The following ANGPT1 variants were observed in gnomAD, a reference collection of about 807,000 sequenced individuals.
ANGPT1 encodes the protein angiopoietin-1.
ANGPT1 carries 17 observed loss-of-function variants against 62.2 expected under a neutral mutation model. The observed-to-expected ratio is 0.27, with a 90% CI of 0.19 to 0.41. ANGPT1 has a LOEUF of 0.41. Ranked by LOEUF, ANGPT1 falls within the 10% of genes least tolerant of loss-of-function variation. The pLI, the probability that ANGPT1 is intolerant of heterozygous loss-of-function variation, is 1.00. For synonymous variants in ANGPT1, 199 were observed against 198.9 expected, an observed-to-expected ratio of 1.00 and a Z score of 0.00; for missense variants, 478 against 594.9, an observed-to-expected ratio of 0.80 and a Z score of 2.04.
intron 1 of ANGPT1, among the ~76,000 whole-genome samples, chr8:107,465,535 A>C (rs1256414359): frequency 1.3e-5 from 2 of 152,174 alleles, no homozygotes; most frequent in Non-Finnish European, 2.9e-5. Context: ...AAAATACTTC[A>C]ATGTTAAATA....
intron 1 of ANGPT1, among the ~76,000 whole-genome samples, chr8:107,375,142 G>A (rs558812121): frequency 6.8e-6 from 1 of 147,012 alleles, no homozygotes; most frequent in African/African-American, 2.5e-5. Flanking sequence ...CCTGGTGACA[G>A]AGTGAGACTC....
intron 1 of ANGPT1, among the ~76,000 whole-genome samples, chr8:107,418,028 G>A (rs28493350): frequency 0.17 from 25,994 of 152,082 alleles, 2,335 homozygotes; most frequent in African/African-American, 0.2. Context: ...TGTGACCTCA[G>A]ATCATGCACT....
Position 107,251,521 on chromosome 8 carries a change from C to T in ANGPT1, c.*334G>A. ...TTTTTCTGTTTTACATGAAATTAAC[C>T]ATATTTATCATCTGGCTACCATAGT... On this transcript the variant is annotated 3_prime_UTR_variant, in exon 9 of 9. Transcript: ENST00000517746. The T allele has an allele frequency of 4.9e-6, 1 of 203,658 alleles. No individual in the cohort carries two copies. Among genetic ancestry groups the T allele is most frequent in the Admixed American group, 5.4e-5 (1 of 18,652 alleles). 12.6% of individuals were successfully genotyped at this position (203,658 alleles called of 1,614,324 possible). A position where few individuals can be genotyped will look rare whatever the true frequency, so the allele number is the denominator to read the frequency against.
At chr8:107,466,033 T>C (rs1348298978) in intron 1 of ANGPT1, among the ~76,000 whole-genome samples, 2 of 152,228 alleles carry the variant, frequency 1.3e-5, no homozygotes, top group African/African-American at 2.4e-5. Flanking sequence ...CTGGCATTGA[T>C]GCATTTGAGC....
chr8:107,478,407 G>A (rs888235853), intron 1 of ANGPT1, among the ~76,000 whole-genome samples: 1 of 152,070 alleles, frequency 6.6e-6, no homozygotes, highest in East Asian at 1.9e-4. Flanking sequence ...AAGTAGCTGG[G>A]TGTGGTGGTG....
chr8:107,392,722 T>G (rs192130683), intron 1 of ANGPT1, among the ~76,000 whole-genome samples: 1 of 152,330 alleles, frequency 6.6e-6, no homozygotes, highest in Non-Finnish European at 1.5e-5. Context: ...TTTTAGAATA[T>G]TTTAATGGGA....
chr8:107,485,713 A>T (rs1347490268), intron 1 of ANGPT1, among the ~76,000 whole-genome samples: 1 of 152,234 alleles, frequency 6.6e-6, no homozygotes, highest in Non-Finnish European at 1.5e-5. Flanking sequence ...CACAAAAGGA[A>T]GTGCAGGCAA....
chr8:107,363,234 G>A (rs1213965520), intron 1 of ANGPT1, among the ~76,000 whole-genome samples: 1 of 152,064 alleles, frequency 6.6e-6, no homozygotes, highest in South Asian at 2.1e-4. Context: ...ATGATCAAAT[G>A]AAATAATACA....
At chr8:107,428,494 AAAT>A (rs1243524375) in intron 1 of ANGPT1, among the ~76,000 whole-genome samples, 1 of 152,210 alleles carries the variant, frequency 6.6e-6, no homozygotes, top group Non-Finnish European at 1.5e-5. Flanking sequence ...GTGTCTGAGA[AAAT>A]GTAGGTTTTC....
chr8:107,403,273 T>C (rs1006187790), intron 1 of ANGPT1, among the ~76,000 whole-genome samples: 23 of 152,294 alleles, frequency 1.5e-4, no homozygotes, highest in Middle Eastern at 6.8e-3. Context: ...TGTCTATTTT[T>C]CATCAAGGAG....
intron 1 of ANGPT1, among the ~76,000 whole-genome samples, chr8:107,362,673 A>C (rs1157963568): frequency 6.6e-6 from 1 of 152,202 alleles, no homozygotes; most frequent in Non-Finnish European, 1.5e-5. Context: ...TTCTCATGTC[A>C]CAGAGATGTG....
In ANGPT1 at chr8:107,416,282, T is replaced by A. The variant is rs558708493; in HGVS notation, c.298-69185A>T. On this transcript the variant is annotated intron_variant, in intron 1 of 8. Transcript: ENST00000517746. The stretch of plus-strand genomic sequence containing the variant: ...AAGTTGGAGTTCCCATGATTCCCTC[T>A]GTAGGTTCAATTAATTTGCTAGAGC... 2.0e-5 allele frequency among the ~76,000 whole-genome samples: 3 copies of A among 152,348 alleles called. No homozygotes were observed. In the South Asian group the frequency reaches 6.2e-4, roughly 32 times the overall value.
At chr8:107,370,745 A>C (rs374667576) in intron 1 of ANGPT1, among the ~76,000 whole-genome samples, 9 of 150,598 alleles carry the variant, frequency 6.0e-5, no homozygotes, top group African/African-American at 2.2e-4. Context: ...AGGAAGGAAG[A>C]AAAGAAGGAA....
intron 1 of ANGPT1, among the ~76,000 whole-genome samples, chr8:107,409,437 G>A (rs923476256): frequency 2.0e-5 from 3 of 152,186 alleles, no homozygotes; most frequent in Admixed American, 6.5e-5. Flanking sequence ...GGACAGCCTC[G>A]CTCCAGGTCC....
At chr8:107,424,366 G>C (rs1362030068) in intron 1 of ANGPT1, among the ~76,000 whole-genome samples, 1 of 152,100 alleles carries the variant, frequency 6.6e-6, no homozygotes, top group East Asian at 1.9e-4. Context: ...ATCAAATTTT[G>C]GTTGGTGATC....
intron 7 of ANGPT1, among the ~76,000 whole-genome samples, chr8:107,272,950 CACAA>C (rs1813774362): frequency 6.7e-6 from 1 of 149,344 alleles, no homozygotes; most frequent in Non-Finnish European, 1.5e-5. Context: ...CTGTTTAAAA[CACAA>C]ACAGTCCCTT....
At chr8:107,268,467 T>C (rs1813666653) in intron 7 of ANGPT1, among the ~76,000 whole-genome samples, 1 of 151,556 alleles carries the variant, frequency 6.6e-6, no homozygotes, top group Admixed American at 6.6e-5. Flanking sequence ...CTCACATCCT[T>C]CTTATCTTTC....
chr8:107,349,447 C>T (rs2514849), intron 1 of ANGPT1, among the ~76,000 whole-genome samples: 34,427 of 151,900 alleles, frequency 0.23, 4,760 homozygotes, highest in African/African-American at 0.37. Context: ...GAGAATATTC[C>T]TTACTTTTCC....
intron 1 of ANGPT1, among the ~76,000 whole-genome samples, chr8:107,361,068 T>A (rs1190177368): frequency 6.6e-6 from 1 of 152,198 alleles, no homozygotes; most frequent in African/African-American, 2.4e-5. Flanking sequence ...TATGGATTAG[T>A]ATCATGTTTG....
Sources: allele counts gnomAD v4.1 joint callset (sites outside exome capture counted in the v4.1 genomes callset), GRCh38; gene constraint gnomAD v4.1.1; transcripts MANE v1.5; gene names NCBI Gene and HGNC (gene_info 2026-07-23, HGNC 2026-07-21).